CPNE4: variants seen among roughly 807,000 people sequenced by gnomAD.
CPNE4 encodes the protein copine-4.
A neutral mutation model predicts 67.9 loss-of-function variants in CPNE4; 25 were observed. The observed-to-expected ratio is 0.37, with a 90% CI of 0.27 to 0.51. The LOEUF (loss-of-function observed/expected upper bound fraction) is 0.51. Among genes scored for constraint, CPNE4 ranks in the 20% least tolerant of loss-of-function variants. CPNE4 has a pLI of 0.93. For missense variants in CPNE4, 464 were observed against 690.8 expected, an observed-to-expected ratio of 0.67 and a Z score of 3.68; for synonymous variants, 242 against 244.9, an observed-to-expected ratio of 0.99 and a Z score of 0.11.
upstream of CPNE4, among the ~76,000 whole-genome samples, chr3:132,036,846 A>G (rs1455766417): frequency 2.0e-5 from 3 of 152,200 alleles, no homozygotes; most frequent in Admixed American, 6.5e-5. Flanking sequence ...ATTACAGGTG[A>G]GAGAAAAGGA....
chr3:131,685,784 A>T, intron 6 of CPNE4, 91 bp downstream of exon 6: 1 of 830,970 alleles, frequency 1.2e-6, no homozygotes, highest in Non-Finnish European at 1.9e-6. Flanking sequence ...CCACCTCAAC[A>T]CACACACACA....
intron 6 of CPNE4, among the ~76,000 whole-genome samples, chr3:131,670,845 T>G (rs1319148530): frequency 6.6e-6 from 1 of 152,186 alleles, no homozygotes; most frequent in Non-Finnish European, 1.5e-5. Flanking sequence ...GATTTTTGCT[T>G]TTGTTGCCCA....
At chr3:131,796,504 GTCTT>G (rs139116125) in intron 2 of CPNE4, among the ~76,000 whole-genome samples, 4,315 of 152,260 alleles carry the variant, frequency 0.028, 212 homozygotes, top group African/African-American at 0.097. Flanking sequence ...TATGCTTGCA[GTCTT>G]TGGAGGAAAT....
chr3:131,602,482 C>A (rs1320842378), intron 7 of CPNE4, among the ~76,000 whole-genome samples: 2 of 152,158 alleles, frequency 1.3e-5, no homozygotes, highest in Non-Finnish European at 2.9e-5. Flanking sequence ...CACATCCCTG[C>A]TCTTCTGGAT....
chr3:131,724,590 C>A (rs1317400223), intron 2 of CPNE4, among the ~76,000 whole-genome samples: 1 of 152,166 alleles, frequency 6.6e-6, no homozygotes, highest in Non-Finnish European at 1.5e-5. Flanking sequence ...AATGGGAGAA[C>A]AGAGAGGTGC....
chr3:131,879,597 T>G (rs9843606), intron 2 of CPNE4, among the ~76,000 whole-genome samples: 96,205 of 151,766 alleles, frequency 0.63, 30,709 homozygotes, highest in Admixed American at 0.72. Flanking sequence ...TGCTAAAAAG[T>G]TTCCATAATT....
At chr3:131,667,247 CTCT>C (rs2080288288) in intron 7 of CPNE4, among the ~76,000 whole-genome samples, 1 of 151,974 alleles carries the variant, frequency 6.6e-6, no homozygotes, top group African/African-American at 2.4e-5. Context: ...CATGTTCATT[CTCT>C]TCTTCTGATT....
chr3:131,863,932 A>T (rs1030679904), intron 2 of CPNE4, among the ~76,000 whole-genome samples: 1 of 152,228 alleles, frequency 6.6e-6, no homozygotes, highest in African/African-American at 2.4e-5. Flanking sequence ...ATAGCTAGCC[A>T]GTTTTCCCAG....
At chr3:131,930,957 G>A (rs2071043654) in intron 1 of CPNE4, among the ~76,000 whole-genome samples, 1 of 152,060 alleles carries the variant, frequency 6.6e-6, no homozygotes. Flanking sequence ...ATGAACTTTT[G>A]CAAAGTGAGA....
intron 6 of CPNE4, among the ~76,000 whole-genome samples, chr3:131,682,808 C>A (rs2080790887): frequency 6.6e-6 from 1 of 152,074 alleles, no homozygotes; most frequent in African/African-American, 2.4e-5. Context: ...GACTCTACCT[C>A]ATGCTCTATT....
chr3:131,932,770 T>C (rs2054318), intron 1 of CPNE4, among the ~76,000 whole-genome samples: 54,307 of 150,878 alleles, frequency 0.36, 10,302 homozygotes, highest in African/African-American at 0.47. Flanking sequence ...ATGAAGAGCA[T>C]GCACTGGGAG....
intron 2 of CPNE4, among the ~76,000 whole-genome samples, chr3:131,837,276 C>T (rs2085595047): frequency 1.3e-5 from 2 of 152,092 alleles, no homozygotes; most frequent in South Asian, 4.1e-4. Context: ...AAATGTTCAT[C>T]ACCTCAAACT....
chr3:131,679,754 G>C (rs1185417809), intron 6 of CPNE4, among the ~76,000 whole-genome samples: 2 of 152,002 alleles, frequency 1.3e-5, no homozygotes, highest in East Asian at 1.9e-4. Flanking sequence ...GGATTTCTTA[G>C]TCTTGAGTTC....
intron 1 of CPNE4, among the ~76,000 whole-genome samples, chr3:131,912,488 C>A (rs192407636): frequency 5.3e-5 from 8 of 152,208 alleles, no homozygotes; most frequent in Admixed American, 5.2e-4. Flanking sequence ...ATGTCTCTAT[C>A]TCACAACATT....
chr3:131,612,516 A>T (rs554910104), intron 7 of CPNE4, among the ~76,000 whole-genome samples: 3 of 152,306 alleles, frequency 2.0e-5, no homozygotes, highest in African/African-American at 7.2e-5. Context: ...CATATTTGTC[A>T]TGGAAGAGGA....
At chr3:131,799,062 C>T (rs1346738188) in intron 2 of CPNE4, among the ~76,000 whole-genome samples, 1 of 151,918 alleles carries the variant, frequency 6.6e-6, no homozygotes, top group Admixed American at 6.6e-5. Flanking sequence ...TTCCAAAGAG[C>T]TTAAGTTGTA....
chr3:132,000,072 G>C (rs946077784), intron 1 of CPNE4, among the ~76,000 whole-genome samples: 4 of 151,008 alleles, frequency 2.6e-5, no homozygotes, highest in Admixed American at 2.6e-4. Flanking sequence ...AAAAGTCTGA[G>C]TCATTTATTC....
At chr3:131,743,313 T>C (rs2082400090) in intron 2 of CPNE4, among the ~76,000 whole-genome samples, 1 of 152,198 alleles carries the variant, frequency 6.6e-6, no homozygotes, top group Admixed American at 6.5e-5. Context: ...TAGGACCAGA[T>C]GGGTTCACAG....
intron 1 of CPNE4, among the ~76,000 whole-genome samples, chr3:132,021,874 C>T (rs1254481794): frequency 1.3e-5 from 2 of 152,256 alleles, no homozygotes; most frequent in East Asian, 1.9e-4. Flanking sequence ...GGAAGGGAAT[C>T]GGATTCACAA....
Sources: gnomAD v4.1 joint callset for allele counts (sites outside exome capture counted in the v4.1 genomes callset) on GRCh38, gnomAD v4.1.1 for gene constraint, MANE v1.5 for transcripts, NCBI Gene and HGNC (gene_info 2026-07-23, HGNC 2026-07-21) for gene names.